Variants in TAF6 observed in about 807,000 individuals in gnomAD.
TAF6 encodes the protein TATA-box binding protein associated factor 6.
In TAF6, 50 loss-of-function variants were observed where a neutral mutation model predicts 73.5. That is an observed-to-expected ratio of 0.68 (90% confidence interval 0.54 to 0.86). The LOEUF is 0.86. TAF6 is among the 40% of genes least tolerant of loss of function. The probability of loss-of-function intolerance (pLI) is 0.00; values close to 1 mark genes in which losing one functional copy is unlikely to be tolerated. For missense variants in TAF6, 768 were observed against 899.5 expected (o/e 0.85, Z 1.87); for synonymous variants, 424 against 376.7 (o/e 1.13, Z -1.45).
chr7:100,108,073 G>A lies in TAF6; in HGVS notation c.1509C>T (p.Thr503=). Residue 503 remains threonine, a synonymous_variant, in exon 14 of 15, where the codon ACC becomes ACT. Coordinates refer to ENST00000453269, the MANE Select transcript of TAF6 (RefSeq NM_139315.3). The part of the protein sequence containing the change: ...LSQAPQPGPR[T]PGLLKVPGSI... The stretch of plus-strand genomic sequence containing the variant: ...AGCCAGGAACCTTCAGCAAGCCAGG[G>A]GTGCGAGGGCCAGGCTGTGGGGCCT... The A allele has an allele frequency of 4.3e-6, 7 of 1,612,102 alleles. No homozygotes were observed. Among genetic ancestry groups the A allele is most frequent in the African/African-American group, 1.3e-5 (1 of 75,018 alleles).
intron 2 of TAF6, 29 bp from the exon 3 acceptor site, chr7:100,113,983 C>T: frequency 6.2e-7 from 1 of 1,614,092 alleles, no homozygotes; most frequent in Non-Finnish European, 8.5e-7. Flanking sequence ...CAGACATCAG[C>T]CCAAAATCCT....
intron 12 of TAF6, among the ~76,000 whole-genome samples, chr7:100,109,324 CAA>C (rs765091540): frequency 6.4e-5 from 7 of 109,536 alleles, no homozygotes; most frequent in Admixed American, 9.5e-5. Context: ...GACTCCATCT[CAA>C]AAAAAAAAAA....
upstream of TAF6, chr7:100,122,707 CA>C: frequency 6.5e-7 from 1 of 1,533,320 alleles, no homozygotes. Flanking sequence ...CAGTAGTTGA[CA>C]AAACTGAAAT....
chr7:100,111,373 G>A, intron 9 of TAF6, 52 bp from the exon 10 acceptor site: 3 of 1,584,960 alleles, frequency 1.9e-6, no homozygotes, highest in Non-Finnish European at 2.6e-6. Context: ...GTCTGCTTGA[G>A]ATAAAGTCTT....
chr7:100,110,194 C>T lies in TAF6; in HGVS notation c.1158+6G>A, dbSNP rs202047715. 6.2e-7 allele frequency: 1 copy of T among 1,614,158 alleles called. No individual in the cohort carries two copies. Among genetic ancestry groups the T allele is most frequent in the Admixed American group, 1.7e-5 (1 of 60,012 alleles). On this transcript the variant is annotated splice_donor_region_variant and intron_variant, in intron 11 of 14. Coordinates refer to ENST00000453269, the MANE Select transcript of TAF6 (RefSeq NM_139315.3). ...CTCCCCCATTTCTTCCTCCCAGAGG[C>T]CTAACATCGTGTCCCAGCTCAGCCA... is the stretch of plus-strand genomic sequence containing the variant.
intron 1 of TAF6, among the ~76,000 whole-genome samples, chr7:100,118,061 A>C (rs1352646718): frequency 1.3e-5 from 2 of 148,382 alleles, no homozygotes; most frequent in African/African-American, 4.9e-5. Flanking sequence ...AAAAAAAAAA[A>C]CAAAAAAAGC....
At chr7:100,122,456 A>T, upstream of TAF6, 1 of 1,613,944 alleles carries the variant, frequency 6.2e-7, no homozygotes, top group South Asian at 1.1e-5. Context: ...CATCCAGGGA[A>T]TCTTTGTTTC....
rs769340077 is a variant in TAF6 at position 100,113,407 on chromosome 7, T to C, written c.398-2A>G. On this transcript the variant is annotated splice_acceptor_variant, in intron 4 of 14. Coordinates refer to ENST00000453269, the MANE Select transcript of TAF6 (RefSeq NM_139315.3). LOFTEE classifies it high-confidence loss of function. ...AGCCCTCGATGCTCAGCCAATGAGC[T>C]GCAAGGAAGGCAGGTGTCAAGGTGA... 5 of 1,586,212 alleles carry C rather than the reference T, an allele frequency of 3.2e-6. No individual in the cohort carries two copies. Among genetic ancestry groups the C allele is most frequent in the Non-Finnish European group, 4.3e-6 (5 of 1,166,470 alleles).
chr7:100,124,553 G>A (rs1369060115), upstream of TAF6: 11 of 1,612,800 alleles, frequency 6.8e-6, no homozygotes, highest in Non-Finnish European at 9.3e-6. Flanking sequence ...CATTGTGGGA[G>A]ACTGGTACTT....
At chr7:100,117,261 A>C in intron 1 of TAF6, among the ~76,000 whole-genome samples, 1 of 136,562 alleles carries the variant, frequency 7.3e-6, no homozygotes, top group Admixed American at 7.5e-5. Context: ...CCATCTAGAC[A>C]GGGCTCTTTT....
At chr7:100,122,548 G>C, upstream of TAF6, 1 of 1,612,788 alleles carries the variant, frequency 6.2e-7, no homozygotes, top group Non-Finnish European at 8.5e-7. Context: ...TGTTCACGCT[G>C]AGCGCAAGGG....
At chr7:100,118,822 TCTC>T (rs1408689266) in intron 1 of TAF6, 2 of 983,416 alleles carry the variant, frequency 2.0e-6, no homozygotes, top group South Asian at 4.7e-5. Flanking sequence ...CCATCCCTGA[TCTC>T]CTCCCCGACT....
chr7:100,121,116 A>ATTTTTTTTTTTTTTTTTT (rs1163501525), upstream of TAF6: 1 of 52,800 alleles, frequency 1.9e-5, no homozygotes, highest in Non-Finnish European at 3.2e-5. Flanking sequence ...ATATATATAT[A>ATTTTTTTTTTTTTTTTTT]TTTTTTTTTT....
chr7:100,109,702 C>T (rs1441614043), intron 12 of TAF6, among the ~76,000 whole-genome samples: 2 of 151,920 alleles, frequency 1.3e-5, no homozygotes, highest in African/African-American at 4.8e-5. Flanking sequence ...CTACGTTGTC[C>T]AGGCTGGCCT....
chr7:100,119,356 C>T lies in TAF6; in HGVS notation c.-212G>A, dbSNP rs1191745283. On this transcript the variant is annotated 5_prime_UTR_variant, in exon 1 of 15. Transcript: ENST00000453269. The stretch of plus-strand genomic sequence containing the variant: ...GGCGCTCGGCGCCATCTTGGCCCCG[C>T]CCCCTCGTGGGAGCAGGTCCTGGCA... The T allele has an allele frequency of 9.6e-6, 10 of 1,043,612 alleles. No individual in the cohort carries two copies. The highest frequency in any genetic ancestry group is 1.0e-5 in the Non-Finnish European group (9 of 865,254). 64.6% of individuals were successfully genotyped at this position (1,043,612 alleles called of 1,614,324 possible).
At chr7:100,118,501 T>TA (rs1797869789) in intron 1 of TAF6, 1 of 151,262 alleles carries the variant, frequency 6.6e-6, no homozygotes, top group Admixed American at 6.6e-5. Context: ...CTGCAAAAAT[T>TA]AAAAAATTAG....
In TAF6 at chr7:100,113,369, A is replaced by C; in HGVS notation, c.434T>G (p.Ile145Ser). The stretch of plus-strand genomic sequence containing the variant: ...GTTACCTGGGGGCGGGTTCTCGGGG[A>C]TAGCTGGCTGGCAGCCCTCGATGCT... ...WLSIEGCQPA[I>S]PENPPPAPKE... Residue 145 changes from isoleucine to serine, a missense_variant, in exon 5 of 15, where the codon ATC (isoleucine) becomes AGC (serine). Around this residue, in one of 5 missense-constraint regions of TAF6, gnomAD observed 269 missense variants for 268.0 expected, o/e 1.00. Coordinates refer to ENST00000453269, the MANE Select transcript of TAF6 (RefSeq NM_139315.3). 1 of 1,595,126 alleles carries C rather than the reference A, an allele frequency of 6.3e-7. No individual in the cohort carries two copies. Among genetic ancestry groups the C allele is most frequent in the Non-Finnish European group, 8.5e-7 (1 of 1,170,600 alleles).
chr7:100,108,656 C>T (rs1796837108), intron 12 of TAF6, 116 bp from the exon 13 acceptor site: 2 of 1,193,494 alleles, frequency 1.7e-6, no homozygotes, highest in South Asian at 1.5e-5. Flanking sequence ...AAGGACATTC[C>T]TTATCATCTC....
At chr7:100,109,340 AAAG>A (rs1297946221) in intron 12 of TAF6, among the ~76,000 whole-genome samples, 1 of 151,826 alleles carries the variant, frequency 6.6e-6, no homozygotes, top group East Asian at 1.9e-4. Context: ...AAAAAAAAGA[AAAG>A]AAAAAGAAAA....
Sources: allele counts gnomAD v4.1 joint callset (sites outside exome capture counted in the v4.1 genomes callset), GRCh38; gene constraint gnomAD v4.1.1; regional missense constraint gnomAD v4.1.1; transcripts MANE v1.5; gene names NCBI Gene and HGNC (gene_info 2026-07-23, HGNC 2026-07-21).